The following KCNIP4 variants were observed in gnomAD, a reference collection of about 807,000 sequenced individuals.
The protein encoded by KCNIP4 is Kv channel-interacting protein 4.
KCNIP4 carries 12 observed loss-of-function variants against 34.0 expected under a neutral mutation model. That is an observed-to-expected ratio of 0.35 (90% CI 0.23 to 0.57). The LOEUF is 0.57. KCNIP4 is among the 20% of genes least tolerant of loss of function. The probability of loss-of-function intolerance (pLI) is 0.83; values close to 1 mark genes in which losing one functional copy is unlikely to be tolerated. For missense variants in KCNIP4, 238 were observed against 311.7 expected (o/e 0.76, Z 1.78); for synonymous variants, 124 against 102.2 (o/e 1.21, Z -1.29).
intron 1 of KCNIP4, among the ~76,000 whole-genome samples, chr4:20,932,283 C>G (rs1267186153): frequency 1.3e-5 from 1 of 79,980 alleles, no homozygotes; most frequent in South Asian, 5.5e-4. Flanking sequence ...TAGTCTATAA[C>G]AGTCTAATAT....
intron 5 of KCNIP4, among the ~76,000 whole-genome samples, chr4:20,743,091 C>T (rs746909660): frequency 1.4e-5 from 2 of 145,386 alleles, no homozygotes; most frequent in African/African-American, 5.3e-5. Flanking sequence ...ATGTGAACTA[C>T]GAACCACTGC....
intron 1 of KCNIP4, among the ~76,000 whole-genome samples, chr4:21,615,447 G>A (rs1280706518): frequency 1.3e-5 from 2 of 151,918 alleles, no homozygotes; most frequent in African/African-American, 2.4e-5. Context: ...TCAGGAGGCT[G>A]AGGCAGGAGA....
intron 1 of KCNIP4, among the ~76,000 whole-genome samples, chr4:21,924,499 C>T (rs543366154): frequency 6.6e-6 from 1 of 152,176 alleles, no homozygotes; most frequent in African/African-American, 2.4e-5. Context: ...CCGTCTCGGC[C>T]TCCCAAAGTG....
intron 3 of KCNIP4, among the ~76,000 whole-genome samples, chr4:20,845,252 G>A (rs1014863993): frequency 6.6e-6 from 1 of 152,102 alleles, no homozygotes; most frequent in Non-Finnish European, 1.5e-5. Context: ...GGGACAACAG[G>A]AAAACCACTA....
intron 1 of KCNIP4, chr4:20,916,364 A>G (rs538889399): frequency 4.2e-5 from 41 of 985,078 alleles, no homozygotes; most frequent in Non-Finnish European, 4.6e-5. Flanking sequence ...ATCCTGTAAA[A>G]TTGTGGTGAT....
chr4:21,584,558 T>C (rs73252278), intron 1 of KCNIP4, among the ~76,000 whole-genome samples: 3 of 152,038 alleles, frequency 2.0e-5, no homozygotes, highest in African/African-American at 7.2e-5. Context: ...TAATTTAAAA[T>C]AGGAAATTAA....
chr4:21,785,820 G>A (rs78648810), intron 1 of KCNIP4, among the ~76,000 whole-genome samples: 4 of 152,056 alleles, frequency 2.6e-5, no homozygotes, highest in East Asian at 1.9e-4. Context: ...TTCATTGTAC[G>A]GATATGTCAC....
At chr4:21,564,676 AG>A (rs1247636545) in intron 1 of KCNIP4, among the ~76,000 whole-genome samples, 1 of 152,074 alleles carries the variant, frequency 6.6e-6, no homozygotes, top group Non-Finnish European at 1.5e-5. Flanking sequence ...TATAAAGAAA[AG>A]TTAATTTGGC....
At position 21,468,737 on chromosome 4, in the gene KCNIP4, G is replaced by A. The variant is rs1211023498; in HGVS notation, c.61+479834C>T. On this transcript the variant is annotated intron_variant, in intron 1 of 8. Transcript: ENST00000382152. ...ATCACTTGCTCTTAAACTGTATTCAGATGTTGTGAAACTGGCTGGCTGACA... is the reference window on the plus strand; with the variant it reads ...ATCACTTGCTCTTAAACTGTATTCAAATGTTGTGAAACTGGCTGGCTGACA... Among the ~76,000 whole-genome samples the A allele has an allele frequency of 2.0e-5, 3 of 152,200 alleles. No homozygotes were observed. In the East Asian group the frequency reaches 5.8e-4, roughly 29 times the overall value.
chr4:21,617,504 A>G (rs528705209), intron 1 of KCNIP4, among the ~76,000 whole-genome samples: 1 of 152,276 alleles, frequency 6.6e-6, no homozygotes, highest in South Asian at 2.1e-4. Flanking sequence ...ACCACATGCT[A>G]CCATGATTCC....
intron 1 of KCNIP4, among the ~76,000 whole-genome samples, chr4:21,563,776 T>C (rs1739635689): frequency 6.6e-6 from 1 of 152,072 alleles, no homozygotes; most frequent in Admixed American, 6.6e-5. Flanking sequence ...TGACGCTATT[T>C]GAACTGGGTC....
intron 1 of KCNIP4, among the ~76,000 whole-genome samples, chr4:21,029,927 C>T (rs540958035): frequency 5.9e-5 from 9 of 152,294 alleles, no homozygotes; most frequent in African/African-American, 2.2e-4. Context: ...ATAGTTTGAA[C>T]AGTTTCTTCT....
intron 1 of KCNIP4, among the ~76,000 whole-genome samples, chr4:21,468,992 A>T (rs1412032463): frequency 6.6e-6 from 1 of 152,164 alleles, no homozygotes; most frequent in Non-Finnish European, 1.5e-5. Flanking sequence ...ACATACAAAC[A>T]GAAGAAAACA....
chr4:21,756,568 AAGAG>A (rs1420451328), intron 1 of KCNIP4, among the ~76,000 whole-genome samples: 3 of 116,678 alleles, frequency 2.6e-5, no homozygotes, highest in Non-Finnish European at 5.1e-5. Flanking sequence ...AAAAAAAAAA[AAGAG>A]AGAGAGAGAG....
intron 1 of KCNIP4, among the ~76,000 whole-genome samples, chr4:21,247,782 A>G (rs1450794047): frequency 9.4e-6 from 1 of 106,566 alleles, no homozygotes; most frequent in Admixed American, 1.0e-4. Flanking sequence ...TGTTTTTTAT[A>G]TATATACACC....
intron 1 of KCNIP4, among the ~76,000 whole-genome samples, chr4:21,694,927 A>AT (rs936803588): frequency 4.1e-4 from 42 of 102,204 alleles, no homozygotes; most frequent in South Asian, 2.3e-3. Flanking sequence ...AAAAAAAAAA[A>AT]AAATAAAAAT....
Position 20,882,728 on chromosome 4 carries a change from G to A in KCNIP4, c.62-19C>T. 1 of 1,579,252 alleles carries A rather than the reference G, an allele frequency of 6.3e-7. No homozygotes were observed. Among genetic ancestry groups the A allele is most frequent in the Middle Eastern group, 1.7e-4 (1 of 5,978 alleles). On this transcript the variant is annotated intron_variant, in intron 1 of 8. Transcript: ENST00000382152. ...AGGAAACCTAGAAGATACAGGATCA[G>A]TTCTGTTAATGCTGTCTGCAGAGAG...
chr4:21,687,759 A>G (rs778434558), intron 1 of KCNIP4, among the ~76,000 whole-genome samples: 11 of 152,162 alleles, frequency 7.2e-5, no homozygotes, highest in Non-Finnish European at 1.0e-4. Flanking sequence ...ATTTCAAAAC[A>G]ATGATAATAT....
At chr4:21,714,584 A>G (rs1028605949) in intron 1 of KCNIP4, among the ~76,000 whole-genome samples, 1 of 151,834 alleles carries the variant, frequency 6.6e-6, no homozygotes, top group African/African-American at 2.4e-5. Flanking sequence ...GAAGAAGGGA[A>G]GAGAGAATAT....
Sources: allele counts gnomAD v4.1 joint callset (sites outside exome capture counted in the v4.1 genomes callset), GRCh38; gene constraint gnomAD v4.1.1; transcripts MANE v1.5; gene names NCBI Gene and HGNC (gene_info 2026-07-23, HGNC 2026-07-21).